Variants in PPP2R3A observed in about 807,000 individuals in gnomAD.
The protein encoded by PPP2R3A is protein phosphatase 2 regulatory subunit B''alpha.
In PPP2R3A, 80 loss-of-function variants were observed where a neutral mutation model predicts 106.9. That is an observed-to-expected ratio of 0.75 (90% CI 0.62 to 0.90). PPP2R3A has a LOEUF of 0.90. PPP2R3A is among the 40% of genes least tolerant of loss of function. The pLI is 0.00. For missense variants in PPP2R3A, 1,386 were observed against 1,350.4 expected (o/e 1.03, Z -0.41); for synonymous variants, 483 against 468.3 (o/e 1.03, Z -0.41).
chr3:136,075,994 C>T (rs1216310137), intron 6 of PPP2R3A, among the ~76,000 whole-genome samples: 1 of 152,212 alleles, frequency 6.6e-6, no homozygotes, highest in Non-Finnish European at 1.5e-5. Context: ...AAGACATGTT[C>T]TCTGTCCTCA....
At chr3:135,994,554 A>G (rs1405103155) in intron 1 of PPP2R3A, among the ~76,000 whole-genome samples, 1 of 152,184 alleles carries the variant, frequency 6.6e-6, no homozygotes, top group African/African-American at 2.4e-5. Flanking sequence ...TGGGTTGTGC[A>G]GGGTATGAAC....
intron 13 of PPP2R3A, among the ~76,000 whole-genome samples, chr3:136,126,633 C>G (rs924216001): frequency 2.0e-5 from 3 of 152,204 alleles, no homozygotes; most frequent in Admixed American, 6.5e-5. Context: ...CTGAAGAGAG[C>G]AGTAGTTCTC....
chr3:135,968,978 TC>T (rs1339611239), intron 1 of PPP2R3A, among the ~76,000 whole-genome samples: 4 of 152,200 alleles, frequency 2.6e-5, no homozygotes, highest in African/African-American at 9.6e-5. Flanking sequence ...TTAGATTGTT[TC>T]CAGTAATTTA....
intron 6 of PPP2R3A, among the ~76,000 whole-genome samples, chr3:136,071,182 C>T (rs1936419463): frequency 6.6e-6 from 1 of 152,190 alleles, no homozygotes; most frequent in Non-Finnish European, 1.5e-5. Context: ...CCGACCAGCC[C>T]CAGGGCCATT....
chr3:136,022,963 TAAG>T (rs1472339983), intron 2 of PPP2R3A: 18 of 1,547,040 alleles, frequency 1.2e-5, no homozygotes, highest in African/African-American at 5.6e-5. Context: ...CTTTGGGAGA[TAAG>T]AAGAAAAAAT....
chr3:136,085,884 C>T (rs759473749), intron 8 of PPP2R3A, among the ~76,000 whole-genome samples: 11 of 148,794 alleles, frequency 7.4e-5, no homozygotes, highest in East Asian at 2.1e-4. Context: ...CCCAAGAGTT[C>T]GAGACCAGCC....
chr3:136,055,540 C>G (rs1935831971), intron 5 of PPP2R3A: 1 of 1,319,538 alleles, frequency 7.6e-7, no homozygotes, highest in Non-Finnish European at 1.1e-6. Flanking sequence ...TCTGCATTCA[C>G]TGACCATGCT....
intron 13 of PPP2R3A, among the ~76,000 whole-genome samples, chr3:136,142,858 G>A (rs1315280857): frequency 1.3e-5 from 2 of 152,298 alleles, no homozygotes; most frequent in South Asian, 2.1e-4. Context: ...CAGACAACAC[G>A]TTAGGGCACC....
rs1483782832 is a variant in PPP2R3A, at chr3:136,082,289, G to A, written c.2656G>A (p.Glu886Lys). 1.3e-6 allele frequency: 2 copies of A among 1,591,258 alleles called. No homozygotes were observed. Among genetic ancestry groups the A allele is most frequent in the African/African-American group, 1.3e-5 (1 of 74,330 alleles). The change falls in exon 8 of 14, where the codon GAA becomes AAA. Residue 886 changes from glutamate (E) to lysine (K), a missense_variant. Physicochemically the swap from Glu to Lys is moderately conservative, Grantham distance 56. Coordinates refer to ENST00000264977, the MANE Select transcript of PPP2R3A (RefSeq NM_002718.5). Reference protein sequence around the residue: ...LQTLALLEEEEDINQITDYFS... With the variant: ...LQTLALLEEEKDINQITDYFS... ...GACCCTAGCACTTTTGGAAGAAGAG[G>A]AAGATATAAACCAAATTACAGATTA...
chr3:136,106,391 C>A, intron 13 of PPP2R3A, 69 bp downstream of exon 13: 1 of 1,320,944 alleles, frequency 7.6e-7, no homozygotes, highest in East Asian at 2.4e-5. Context: ...ATTAAAACCC[C>A]CTTACAAAAT....
At chr3:136,079,276 C>T in intron 7 of PPP2R3A, 1 of 409,438 alleles carries the variant, frequency 2.4e-6, no homozygotes, top group South Asian at 1.8e-5. Flanking sequence ...TGCCTGGGCT[C>T]TCAGTAGGTA....
rs147021319 is a variant in PPP2R3A at position 136,144,901 on chromosome 3, G to A, written c.3330-142G>A. The stretch of plus-strand genomic sequence containing the variant: ...TGCTCTAGAGTGTTGCCTCCTTCAC[G>A]GCAGTTGAGTTGCTCACGGCCTCCA... On this transcript the variant is annotated intron_variant, in intron 13 of 13. Transcript: ENST00000264977. 1,631 of 771,366 alleles carry A rather than the reference G, an allele frequency of 2.1e-3. 24 individuals are homozygous for A. The African/African-American group carries it at 0.026, about 12-fold the overall frequency. The allele number at this position is 771,366 out of a possible 1,614,324, so 47.8% of individuals were successfully genotyped here. A position where few individuals can be genotyped will look rare whatever the true frequency, so the allele number is the denominator to read the frequency against.
chr3:136,121,613 A>G (rs1350000939), intron 13 of PPP2R3A, among the ~76,000 whole-genome samples: 4 of 152,238 alleles, frequency 2.6e-5, no homozygotes, highest in Non-Finnish European at 5.9e-5. Context: ...AAAGAACTTC[A>G]TAGGGAACAA....
chr3:136,076,386 A>G (rs1401021219), intron 6 of PPP2R3A, among the ~76,000 whole-genome samples: 2 of 152,228 alleles, frequency 1.3e-5, no homozygotes, highest in Non-Finnish European at 2.9e-5. Context: ...CATTTTGAAT[A>G]TAGTTACACT....
At chr3:136,143,355 G>A (rs546822685) in intron 13 of PPP2R3A, among the ~76,000 whole-genome samples, 1 of 152,260 alleles carries the variant, frequency 6.6e-6, no homozygotes, top group South Asian at 2.1e-4. Flanking sequence ...GCCAGGAGTG[G>A]TGATATACGT....
intron 1 of PPP2R3A, among the ~76,000 whole-genome samples, chr3:135,969,026 GAATA>G (rs1937168434): frequency 6.6e-6 from 1 of 151,926 alleles, no homozygotes; most frequent in African/African-American, 2.4e-5. Flanking sequence ...TTTCATATGT[GAATA>G]AATATATTTA....
chr3:135,973,448 C>T (rs1937301015), intron 1 of PPP2R3A, among the ~76,000 whole-genome samples: 1 of 152,186 alleles, frequency 6.6e-6, no homozygotes, highest in Non-Finnish European at 1.5e-5. Context: ...CACGACGTAA[C>T]TAAAGGACTG....
At chr3:135,997,194 C>A (rs1276897183) in intron 1 of PPP2R3A, among the ~76,000 whole-genome samples, 1 of 152,176 alleles carries the variant, frequency 6.6e-6, no homozygotes, top group Non-Finnish European at 1.5e-5. Context: ...ATCTAGTCTA[C>A]CTACACCACT....
intron 6 of PPP2R3A, among the ~76,000 whole-genome samples, chr3:136,073,118 C>G (rs1484732507): frequency 6.6e-6 from 1 of 152,154 alleles, no homozygotes; most frequent in Non-Finnish European, 1.5e-5. Flanking sequence ...CAGGCGCCCA[C>G]CACCACGCCC....
Sources: allele counts gnomAD v4.1 joint callset (sites outside exome capture counted in the v4.1 genomes callset), GRCh38; gene constraint gnomAD v4.1.1; transcripts MANE v1.5; gene names NCBI Gene and HGNC (gene_info 2026-07-23, HGNC 2026-07-21).